The following GPR149 variants were observed in gnomAD, a reference collection of about 807,000 sequenced individuals.
GPR149 encodes the protein G protein-coupled receptor 149, also known as probable G protein-coupled receptor 149.
A neutral mutation model predicts 50.2 loss-of-function variants in GPR149; 50 were observed. The ratio of observed to expected loss-of-function variants is 1.00; its 90% confidence interval spans 0.79 to 1.26. The LOEUF (loss-of-function observed/expected upper bound fraction) is 1.26. GPR149 is among the 50% of genes most tolerant of loss of function. GPR149 has a pLI of 0.00. For synonymous variants in GPR149, 405 were observed against 358.2 expected (o/e 1.13, Z -1.48); for missense variants, 983 against 895.4 (o/e 1.10, Z -1.25).
intron 3 of GPR149, 73 bp downstream of exon 3, chr3:154,420,966 C>T: frequency 9.3e-7 from 1 of 1,076,198 alleles, no homozygotes; most frequent in Non-Finnish European, 1.3e-6. Context: ...AAACAAACAA[C>T]TGATAATGTT....
chr3:154,353,992 T>C, intron 3 of GPR149: 1 of 477,014 alleles, frequency 2.1e-6, no homozygotes, highest in Non-Finnish European at 3.9e-6. Context: ...TAGAACTATC[T>C]AAGGATGATA....
In GPR149 at chr3:154,337,395, T is replaced by C. The variant is rs1444275778; in HGVS notation, c.*304A>G. 6.6e-6 allele frequency among the ~76,000 whole-genome samples: 1 copy of C among 152,212 alleles called. No individual in the cohort carries two copies. The highest frequency in any genetic ancestry group is 2.4e-5 in the African/African-American group (1 of 41,464). On this transcript the variant is annotated 3_prime_UTR_variant, in exon 4 of 4. Coordinates refer to ENST00000389740, the MANE Select transcript of GPR149 (RefSeq NM_001038705.3). Reference sequence around the variant, plus strand: ...CACTGAGTTTATACAATTTTCTGTTTACTAGGAAGTTGACAAGCAAAAACA... The same window carrying C: ...CACTGAGTTTATACAATTTTCTGTTCACTAGGAAGTTGACAAGCAAAAACA...
At chr3:154,365,836 C>T (rs1443315811) in intron 3 of GPR149, among the ~76,000 whole-genome samples, 2 of 152,162 alleles carry the variant, frequency 1.3e-5, no homozygotes, top group African/African-American at 4.8e-5. Context: ...ATCCATATTT[C>T]TACCCACAGT....
At chr3:154,340,208 A>G (rs1232463538) in intron 3 of GPR149, among the ~76,000 whole-genome samples, 1 of 152,164 alleles carries the variant, frequency 6.6e-6, no homozygotes, top group East Asian at 1.9e-4. Context: ...CTCTTTACTC[A>G]TAAGGAGACC....
At chr3:154,419,595 A>T (rs959432102) in intron 3 of GPR149, among the ~76,000 whole-genome samples, 1 of 152,102 alleles carries the variant, frequency 6.6e-6, no homozygotes, top group African/African-American at 2.4e-5. Context: ...AGAAGAATAC[A>T]ACAAAAAATA....
intron 3 of GPR149, 92 bp downstream of exon 3, chr3:154,420,947 G>T: frequency 2.2e-6 from 2 of 907,686 alleles, no homozygotes; most frequent in Non-Finnish European, 3.3e-6. Flanking sequence ...TGTTGGGCTT[G>T]ATTGAATAAA....
At chr3:154,396,308 T>C (rs1715292281) in intron 3 of GPR149, among the ~76,000 whole-genome samples, 2 of 152,186 alleles carry the variant, frequency 1.3e-5, no homozygotes, top group South Asian at 4.1e-4. Flanking sequence ...AATTTTCATT[T>C]TTGTTTAAGA....
chr3:154,337,267 T>C lies in GPR149; in HGVS notation c.*432A>G, dbSNP rs1307186405. On this transcript the variant is annotated 3_prime_UTR_variant, in exon 4 of 4. Transcript: ENST00000389740. ...TAGGCAAGTTCCTTCAAATATAATT[T>C]GGGGTTTTGTTACATTTCTTCCATT... Among the ~76,000 whole-genome samples the C allele has an allele frequency of 6.6e-6, 1 of 152,164 alleles. No individual in the cohort carries two copies. Among genetic ancestry groups the C allele is most frequent in the Non-Finnish European group, 1.5e-5 (1 of 68,018 alleles).
intron 3 of GPR149, among the ~76,000 whole-genome samples, chr3:154,391,289 T>C (rs374786571): frequency 6.7e-6 from 1 of 150,082 alleles, no homozygotes; most frequent in Non-Finnish European, 1.5e-5. Context: ...AATCATGACA[T>C]CAAGAACATA....
At chr3:154,426,740 T>C (rs916690164) in intron 2 of GPR149, among the ~76,000 whole-genome samples, 1 of 152,172 alleles carries the variant, frequency 6.6e-6, no homozygotes, top group Non-Finnish European at 1.5e-5. Context: ...AGGTGTACTC[T>C]TCAGACCACA....
intron 3 of GPR149, among the ~76,000 whole-genome samples, chr3:154,407,906 G>T (rs1490361822): frequency 1.3e-5 from 2 of 151,964 alleles, no homozygotes; most frequent in African/African-American, 4.8e-5. Context: ...AATGATGCTG[G>T]GATATCTCAT....
chr3:154,418,302 A>T (rs1712044139), intron 3 of GPR149, among the ~76,000 whole-genome samples: 1 of 103,660 alleles, frequency 9.6e-6, no homozygotes, highest in African/African-American at 4.4e-5. Context: ...TGACCCAGCC[A>T]TCCCATTACT....
chr3:154,370,219 G>A (rs1461595607), intron 3 of GPR149, among the ~76,000 whole-genome samples: 1 of 152,168 alleles, frequency 6.6e-6, no homozygotes, highest in Non-Finnish European at 1.5e-5. Context: ...CACCCAATCA[G>A]TGTCTGGCAT....
intron 3 of GPR149, among the ~76,000 whole-genome samples, chr3:154,349,972 C>T (rs1714029757): frequency 6.6e-6 from 1 of 152,120 alleles, no homozygotes; most frequent in Admixed American, 6.6e-5. Context: ...TTTGCACTGT[C>T]ACCAAGGCTG....
chr3:154,340,284 G>T (rs927150779), intron 3 of GPR149, among the ~76,000 whole-genome samples: 2 of 152,144 alleles, frequency 1.3e-5, no homozygotes, highest in African/African-American at 4.8e-5. Context: ...ACACTATAAT[G>T]TTCAGTCCAG....
At chr3:154,357,702 C>G (rs1189356522) in intron 3 of GPR149, among the ~76,000 whole-genome samples, 1 of 152,190 alleles carries the variant, frequency 6.6e-6, no homozygotes, top group South Asian at 2.1e-4. Context: ...GGACTGTAAA[C>G]TAGTTCGACC....
At position 154,338,107 on chromosome 3, in the gene GPR149, A is replaced by G. The variant is rs895975841; in HGVS notation, c.1788T>C (p.Ser596=). ...CTTCTGAGTTTGGTTCATGGCCAAC[A>G]CTTTTGGATCGATAGACTTCTATTT... The part of the protein sequence containing the change: ...SKKIEVYRSK[S]VGHEPNSEDS... The change falls in exon 4 of 4, where the codon AGT becomes AGC. Residue 596 remains serine (S), a synonymous_variant. Coordinates refer to ENST00000389740, the MANE Select transcript of GPR149 (RefSeq NM_001038705.3). The G allele has an allele frequency of 5.6e-6, 9 of 1,614,122 alleles. No homozygotes were observed. The highest frequency in any genetic ancestry group is 7.6e-6 in the Non-Finnish European group (9 of 1,180,006).
intron 3 of GPR149, among the ~76,000 whole-genome samples, chr3:154,362,288 C>CAAAAAAA (rs34401689): frequency 1.1e-5 from 1 of 94,588 alleles, no homozygotes; most frequent in Admixed American, 1.4e-4. Context: ...GACTCCGTCT[C>CAAAAAAA]AAAAAAAAAA....
chr3:154,361,373 C>T (rs1714376517), intron 3 of GPR149, among the ~76,000 whole-genome samples: 1 of 152,120 alleles, frequency 6.6e-6, no homozygotes, highest in South Asian at 2.1e-4. Context: ...ATTTTAACAA[C>T]AACATCAGGA....
Sources: allele counts gnomAD v4.1 joint callset (sites outside exome capture counted in the v4.1 genomes callset), GRCh38; gene constraint gnomAD v4.1.1; transcripts MANE v1.5; gene names NCBI Gene and HGNC (gene_info 2026-07-23, HGNC 2026-07-21).